The following LGR5 variants were observed in gnomAD, a reference collection of about 807,000 sequenced individuals.
The protein encoded by LGR5 is leucine rich repeat containing G protein-coupled receptor 5.
LGR5 carries 54 observed loss-of-function variants against 76.7 expected under a neutral mutation model. The observed-to-expected ratio is 0.70, with a 90% CI of 0.57 to 0.88. LGR5 has a LOEUF of 0.88. LGR5 is among the 40% of genes least tolerant of loss of function. The pLI is 0.00. For missense variants in LGR5, 1,078 were observed against 1,073.3 expected, an observed-to-expected ratio of 1.00 and a Z score of -0.06; for synonymous variants, 406 against 421.9, an observed-to-expected ratio of 0.96 and a Z score of 0.46.
chr12:71,515,149 A>G (rs1257584883), intron 2 of LGR5, among the ~76,000 whole-genome samples: 1 of 152,222 alleles, frequency 6.6e-6, no homozygotes, highest in East Asian at 1.9e-4. Context: ...ACATCTTACT[A>G]TAAGTTTCAT....
intron 4 of LGR5, among the ~76,000 whole-genome samples, chr12:71,549,918 G>A (rs970920043): frequency 6.6e-6 from 1 of 152,104 alleles, no homozygotes; most frequent in African/African-American, 2.4e-5. Context: ...ATAGTGTGGA[G>A]GCCAGATTAT....
Position 71,498,634 on chromosome 12 carries a change from C to A in LGR5, c.213-5980C>A, listed in dbSNP as rs549331513. ...CCTCTTTCATGACCTAATTACCTCCCAAAGGCACCATCTCCAAATATCACC... is the reference window on the plus strand; with the variant it reads ...CCTCTTTCATGACCTAATTACCTCCAAAAGGCACCATCTCCAAATATCACC... On this transcript the variant is annotated intron_variant, in intron 1 of 17. Transcript: ENST00000266674. Among the ~76,000 whole-genome samples, 139 of 152,150 alleles carry A rather than the reference C, an allele frequency of 9.1e-4. 1 individual carries two copies. The highest frequency in any genetic ancestry group is 1.4e-3 in the Non-Finnish European group (98 of 68,038).
chr12:71,470,559 G>A (rs766895324), intron 1 of LGR5, among the ~76,000 whole-genome samples: 1 of 150,482 alleles, frequency 6.6e-6, no homozygotes, highest in Non-Finnish European at 1.5e-5. Flanking sequence ...TATGTATGTA[G>A]ATGTGTGTAT....
intron 3 of LGR5, among the ~76,000 whole-genome samples, 188 bp from the exon 4 acceptor site, chr12:71,534,927 C>T (rs537703012): frequency 1.3e-5 from 2 of 152,322 alleles, no homozygotes; most frequent in South Asian, 2.1e-4. Flanking sequence ...TCACTTGTCT[C>T]ATGTTAATAT....
intron 14 of LGR5, 125 bp from the exon 15 acceptor site, chr12:71,578,679 G>T (rs989115416): frequency 5.5e-6 from 5 of 906,680 alleles, no homozygotes; most frequent in Non-Finnish European, 8.1e-6. Context: ...TTACCATTAA[G>T]AGTAAGGACC....
In LGR5 at chr12:71,549,204, T is replaced by G. The variant is rs529761331; in HGVS notation, c.429-3869T>G. 5.1e-4 allele frequency among the ~76,000 whole-genome samples: 78 copies of G among 152,364 alleles called. 1 individual carries two copies. Among genetic ancestry groups the G allele is most frequent in the Non-Finnish European group, 8.5e-4 (58 of 68,036 alleles). On this transcript the variant is annotated intron_variant, in intron 4 of 17. Coordinates refer to ENST00000266674, the MANE Select transcript of LGR5 (RefSeq NM_003667.4). ...GTGTGAGTGACTGGATAGTTAATTC[T>G]ATACTCCTGTTTACCCTTGGGGTCT...
chr12:71,512,454 T>C (rs1192973884), intron 2 of LGR5, among the ~76,000 whole-genome samples: 1 of 152,224 alleles, frequency 6.6e-6, no homozygotes, highest in East Asian at 1.9e-4. Context: ...TGAATATGCA[T>C]TAGAATCGCC....
intron 1 of LGR5, among the ~76,000 whole-genome samples, chr12:71,456,737 T>G (rs1388656915): frequency 6.6e-6 from 1 of 152,122 alleles, no homozygotes; most frequent in Non-Finnish European, 1.5e-5. Flanking sequence ...TAGCTAGAAA[T>G]TATTAAGGAC....
chr12:71,553,471 C>T (rs1430991561), intron 5 of LGR5, among the ~76,000 whole-genome samples, 183 bp downstream of exon 5: 1 of 152,022 alleles, frequency 6.6e-6, no homozygotes, highest in African/African-American at 2.4e-5. Flanking sequence ...CAATACTTAT[C>T]AATTACCTGC....
At position 71,451,463 on chromosome 12, in the gene LGR5, G is replaced by A. The variant is rs1416331678; in HGVS notation, c.212+11171G>A. ...ACAATTTCCCTATTTCATGCCTCCA[G>A]GTGTTCACATGTGTTGCCATCTGCT... On this transcript the variant is annotated intron_variant, in intron 1 of 17. Transcript: ENST00000266674. Among the ~76,000 whole-genome samples the A allele has an allele frequency of 2.0e-5, 3 of 152,038 alleles. No homozygotes were observed. The East Asian group carries it at 5.8e-4, about 29-fold the overall frequency.
intron 13 of LGR5, among the ~76,000 whole-genome samples, chr12:71,574,828 G>A (rs1276516215): frequency 6.6e-6 from 1 of 152,064 alleles, no homozygotes; most frequent in Admixed American, 6.6e-5. Context: ...CTATCTTTGG[G>A]CCCACTTCAC....
chr12:71,456,102 A>G (rs897910801), intron 1 of LGR5, among the ~76,000 whole-genome samples: 5 of 152,178 alleles, frequency 3.3e-5, no homozygotes, highest in East Asian at 1.9e-4. Flanking sequence ...TTTCTACTCT[A>G]TGAGACCAGT....
At chr12:71,571,749 T>C (rs1335414401) in intron 12 of LGR5, among the ~76,000 whole-genome samples, 170 bp downstream of exon 12, 1 of 152,200 alleles carries the variant, frequency 6.6e-6, no homozygotes, top group Non-Finnish European at 1.5e-5. Flanking sequence ...TTGAGAAACA[T>C]AGATAATATT....
intron 1 of LGR5, among the ~76,000 whole-genome samples, chr12:71,465,274 G>T (rs1273477101): frequency 1.3e-5 from 2 of 152,132 alleles, no homozygotes; most frequent in Non-Finnish European, 2.9e-5. Context: ...GAGTAAACAG[G>T]TAAGACTGCC....
chr12:71,569,996 A>C (rs1452580820), intron 11 of LGR5, among the ~76,000 whole-genome samples: 1 of 152,228 alleles, frequency 6.6e-6, no homozygotes, highest in African/African-American at 2.4e-5. Flanking sequence ...AAATCAGATC[A>C]TGTCCTTTGC....
chr12:71,570,326 A>AT (rs910015711), intron 11 of LGR5, among the ~76,000 whole-genome samples: 1 of 152,050 alleles, frequency 6.6e-6, no homozygotes, highest in Non-Finnish European at 1.5e-5. Context: ...AAATAAAATA[A>AT]TTTTTTTTAA....
At chr12:71,514,083 T>TA (rs954131436) in intron 2 of LGR5, among the ~76,000 whole-genome samples, 2 of 151,648 alleles carry the variant, frequency 1.3e-5, no homozygotes, top group African/African-American at 2.4e-5. Flanking sequence ...CCCAGGATCT[T>TA]AAAAAACAAC....
At position 71,578,851 on chromosome 12, in the gene LGR5, A is replaced by G. The variant is rs750353686; in HGVS notation, c.1328A>G (p.His443Arg). The change falls in exon 15 of 18, where the codon CAT (histidine) becomes CGT (arginine). Residue 443 changes from histidine (H) to arginine (R), a missense_variant. Physicochemically the swap from His to Arg is conservative, Grantham distance 29 (BLOSUM62 0). Transcript: ENST00000266674. ...TCGTCTTTTCCTATAACTGGGTTAC[A>G]TGGTTTAACTCACTTAAAATTAACA... The part of the protein sequence containing the change: ...LLSSFPITGL[H>R]GLTHLKLTGN... 11 of 1,612,690 alleles carry G rather than the reference A, an allele frequency of 6.8e-6. No homozygotes were observed. The East Asian group carries it at 2.2e-4, about 33-fold the overall frequency.
intron 4 of LGR5, among the ~76,000 whole-genome samples, chr12:71,546,994 C>T (rs1007391184): frequency 6.6e-6 from 1 of 152,156 alleles, no homozygotes; most frequent in Non-Finnish European, 1.5e-5. Context: ...GTCCCCTTGG[C>T]CAAGCAGCTT....
Sources: gnomAD v4.1 joint callset for allele counts (sites outside exome capture counted in the v4.1 genomes callset) on GRCh38, gnomAD v4.1.1 for gene constraint, MANE v1.5 for transcripts, NCBI Gene and HGNC (gene_info 2026-07-23, HGNC 2026-07-21) for gene names.